Variants in DLG2 observed in about 807,000 individuals in gnomAD.
DLG2 encodes discs large MAGUK scaffold protein 2, also known as disks large homolog 2.
DLG2 carries 45 observed loss-of-function variants against 132.5 expected under a neutral mutation model. That is an observed-to-expected ratio of 0.34 (90% CI 0.27 to 0.44). The LOEUF (loss-of-function observed/expected upper bound fraction) is 0.44. Among genes scored for constraint, DLG2 ranks in the 20% least tolerant of loss-of-function variants. The pLI, the probability that DLG2 is intolerant of heterozygous loss-of-function variation, is 1.00. For synonymous variants in DLG2, 424 were observed against 419.6 expected, an observed-to-expected ratio of 1.01 and a Z score of -0.13; for missense variants, 1,045 against 1,196.9, an observed-to-expected ratio of 0.87 and a Z score of 1.87.
chr11:83,819,816 A>C (rs1459194093), intron 17 of DLG2, among the ~76,000 whole-genome samples: 1 of 152,138 alleles, frequency 6.6e-6, no homozygotes, highest in Non-Finnish European at 1.5e-5. Context: ...CAGGAGAATT[A>C]TAGGTCAGTC....
chr11:84,574,465 T>G (rs1592699759), intron 6 of DLG2, among the ~76,000 whole-genome samples: 1 of 152,306 alleles, frequency 6.6e-6, no homozygotes, highest in South Asian at 2.1e-4. Context: ...TAGCTATACA[T>G]GTTCTAAATT....
chr11:84,158,647 A>T (rs1340835678), intron 9 of DLG2, among the ~76,000 whole-genome samples: 1 of 152,196 alleles, frequency 6.6e-6, no homozygotes, highest in East Asian at 1.9e-4. Context: ...TTATTACTTA[A>T]ATTAAACGTT....
Position 85,429,507 on chromosome 11 carries a change from C to T in DLG2, c.41-144142G>A, listed in dbSNP as rs1237559. On this transcript the variant is annotated intron_variant, in intron 3 of 27. Coordinates refer to ENST00000376104, the MANE Select transcript of DLG2 (RefSeq NM_001142699.3). ...GAATCTACAATGAACTCAAACAAAT[C>T]TACAAGAAAAAAACACAACCCCACC... Among the ~76,000 whole-genome samples, 14 of 152,130 alleles carry T rather than the reference C, an allele frequency of 9.2e-5. No homozygotes were observed. The East Asian group carries it at 1.5e-3, about 17-fold the overall frequency.
intron 7 of DLG2, among the ~76,000 whole-genome samples, chr11:84,378,962 A>G (rs1173450080): frequency 2.0e-5 from 3 of 151,962 alleles, no homozygotes; most frequent in Non-Finnish European, 4.4e-5. Flanking sequence ...TCTCAAAAAC[A>G]AAAACAAAAA....
At chr11:84,231,294 G>A (rs1012218570) in intron 8 of DLG2, among the ~76,000 whole-genome samples, 1 of 152,156 alleles carries the variant, frequency 6.6e-6, no homozygotes, top group Admixed American at 6.5e-5. Context: ...TCTTAACTAT[G>A]GAGCACCTTA....
chr11:85,251,159 G>A (rs1447094236), intron 4 of DLG2, among the ~76,000 whole-genome samples: 1 of 152,138 alleles, frequency 6.6e-6, no homozygotes, highest in Non-Finnish European at 1.5e-5. Flanking sequence ...ATGAACATGT[G>A]CTATGATGCC....
intron 6 of DLG2, among the ~76,000 whole-genome samples, chr11:84,829,885 T>C (rs2078806999): frequency 6.6e-6 from 1 of 151,668 alleles, no homozygotes; most frequent in Admixed American, 6.6e-5. Context: ...ATATCCTAAC[T>C]CAGGTCTACA....
chr11:84,426,119 G>A (rs573304859), intron 7 of DLG2, among the ~76,000 whole-genome samples: 1 of 152,192 alleles, frequency 6.6e-6, no homozygotes, highest in Admixed American at 6.5e-5. Context: ...GAACTTAGCA[G>A]GTACTGTTTA....
chr11:84,932,021 C>T lies in DLG2; in HGVS notation c.357+179640G>A, dbSNP rs563855406. Among the ~76,000 whole-genome samples the T allele has an allele frequency of 2.0e-5, 3 of 152,174 alleles. No individual in the cohort carries two copies. In the South Asian group the frequency reaches 6.2e-4, roughly 32 times the overall value. ...TCCTTACACATGCTTATTATTAGAC[C>T]TTTGTTGAATGAATACTTTGCAAAA... is the stretch of plus-strand genomic sequence containing the variant. On this transcript the variant is annotated intron_variant, in intron 6 of 27. Coordinates refer to ENST00000376104, the MANE Select transcript of DLG2 (RefSeq NM_001142699.3).
intron 7 of DLG2, among the ~76,000 whole-genome samples, chr11:84,380,485 A>G (rs112856827): frequency 1.4e-3 from 213 of 152,158 alleles, no homozygotes; most frequent in African/African-American, 5.0e-3. Flanking sequence ...TTAAATTTTA[A>G]AAGTCCATTT....
chr11:85,065,854 T>A (rs190637187), intron 6 of DLG2, among the ~76,000 whole-genome samples: 1 of 151,060 alleles, frequency 6.6e-6, no homozygotes, highest in Non-Finnish European at 1.5e-5. Context: ...TAAATGCCTA[T>A]GTAAAAAAAA....
chr11:85,538,898 A>G (rs1214647662), intron 3 of DLG2, among the ~76,000 whole-genome samples: 1 of 151,830 alleles, frequency 6.6e-6, no homozygotes, highest in African/African-American at 2.4e-5. Context: ...GAGGCTTAAT[A>G]CCTAGGTGAT....
At chr11:83,469,088 A>C (rs973946805) in intron 25 of DLG2, 113 bp downstream of exon 25, 1 of 779,580 alleles carries the variant, frequency 1.3e-6, no homozygotes, top group African/African-American at 1.7e-5. Flanking sequence ...AAATTATTAA[A>C]TCAAAATTTA....
intron 3 of DLG2, among the ~76,000 whole-genome samples, chr11:85,477,464 T>C (rs924463202): frequency 7.2e-5 from 11 of 152,338 alleles, no homozygotes; most frequent in Middle Eastern, 3.4e-3. Context: ...GTAATAACCA[T>C]GTATTCTACT....
rs528873263 is a variant in DLG2, at chr11:83,971,891, G to A, written c.1057-6423C>T. ...AATAATAACTATTAATAAATAAAAG[G>A]CATGTTAGTAATGGTTATCTTTGGA... On this transcript the variant is annotated intron_variant, in intron 12 of 27. Transcript: ENST00000376104. Among the ~76,000 whole-genome samples, 3 of 151,992 alleles carry A rather than the reference G, an allele frequency of 2.0e-5. No individual in the cohort carries two copies. In the South Asian group the frequency reaches 6.3e-4, roughly 32 times the overall value.
intron 6 of DLG2, among the ~76,000 whole-genome samples, chr11:85,008,829 T>C (rs1015832387): frequency 1.6e-4 from 24 of 152,012 alleles, no homozygotes; most frequent in African/African-American, 5.8e-4. Flanking sequence ...ACAAGAACAT[T>C]TCATATACTG....
intron 3 of DLG2, among the ~76,000 whole-genome samples, chr11:85,365,949 G>T (rs1204664677): frequency 6.6e-6 from 1 of 152,150 alleles, no homozygotes; most frequent in East Asian, 1.9e-4. Context: ...GGGGGGCTAG[G>T]GGAGGGACAG....
At chr11:85,306,504 A>G (rs2079950503) in intron 3 of DLG2, among the ~76,000 whole-genome samples, 2 of 152,220 alleles carry the variant, frequency 1.3e-5, no homozygotes, top group South Asian at 4.1e-4. Flanking sequence ...TGCCAGGTGA[A>G]TGGGGCCGAA....
At chr11:85,042,577 G>C (rs1370374002) in intron 6 of DLG2, among the ~76,000 whole-genome samples, 3 of 151,936 alleles carry the variant, frequency 2.0e-5, no homozygotes, top group Non-Finnish European at 4.4e-5. Context: ...GTTGACAAAG[G>C]ATTAAATAAG....
Sources: allele counts gnomAD v4.1 joint callset (sites outside exome capture counted in the v4.1 genomes callset), GRCh38; gene constraint gnomAD v4.1.1; transcripts MANE v1.5; gene names NCBI Gene and HGNC (gene_info 2026-07-23, HGNC 2026-07-21).